KDM6B: variants seen among roughly 807,000 people sequenced by gnomAD.
The protein encoded by KDM6B is lysine-specific demethylase 6B.
In KDM6B, 22 loss-of-function variants were observed where a neutral mutation model predicts 150.4. The observed-to-expected ratio is 0.15, with a 90% CI of 0.10 to 0.21. The LOEUF (loss-of-function observed/expected upper bound fraction) is 0.21. Among genes scored for constraint, KDM6B ranks in the 10% least tolerant of loss-of-function variants. The pLI, the probability that KDM6B is intolerant of heterozygous loss-of-function variation, is 1.00. For synonymous variants in KDM6B, 1,148 were observed against 921.1 expected, an observed-to-expected ratio of 1.25 and a Z score of -4.46; for missense variants, 1,984 against 2,234.3, an observed-to-expected ratio of 0.89 and a Z score of 2.26.
At chr17:7,838,900 A>C (rs1033579645) in intron 1 of KDM6B, among the ~76,000 whole-genome samples, 1 of 151,264 alleles carries the variant, frequency 6.6e-6, no homozygotes, top group Non-Finnish European at 1.5e-5. Context: ...CACAAATAGC[A>C]CCTCCCTGGG....
intron 2 of KDM6B, chr17:7,840,317 G>A (rs2078395265): frequency 6.6e-6 from 1 of 152,202 alleles, no homozygotes; most frequent in Non-Finnish European, 1.5e-5. Context: ...AAATGAAGAG[G>A]GAGTTTGCAA....
In KDM6B at chr17:7,851,125, A is replaced by G; in HGVS notation, c.3778A>G (p.Thr1260Ala). 1 of 1,613,804 alleles carries G rather than the reference A, an allele frequency of 6.2e-7. No homozygotes were observed. Among genetic ancestry groups the G allele is most frequent in the South Asian group, 1.1e-5 (1 of 91,084 alleles). The change falls in exon 15 of 24, where the codon ACA becomes GCA. Residue 1260 changes from threonine (T) to alanine (A), a missense_variant. Coordinates refer to ENST00000448097, the MANE Select transcript of KDM6B (RefSeq NM_001348716.2). ...GCCCTCAGATGAGAACTGGGATCTG[A>G]CAGGCACTCGGCAGATCTGGCCTTG... ...QQPSDENWDLTGTRQIWPCES... is the reference protein window; with the variant it reads ...QQPSDENWDLAGTRQIWPCES...
In KDM6B at chr17:7,854,138, C is replaced by G. The variant is rs578214690; in HGVS notation, c.*617C>G. 1.3e-5 allele frequency: 2 copies of G among 152,618 alleles called. No individual in the cohort carries two copies. Among genetic ancestry groups the G allele is most frequent in the South Asian group, 4.1e-4 (2 of 4,934 alleles). The allele number at this position is 152,618 out of a possible 1,614,324, so 9.5% of individuals were successfully genotyped here. A position where few individuals can be genotyped will look rare whatever the true frequency, so the allele number is the denominator to read the frequency against. On this transcript the variant is annotated 3_prime_UTR_variant, in exon 24 of 24. Coordinates refer to ENST00000448097, the MANE Select transcript of KDM6B (RefSeq NM_001348716.2). ...TTTTGGGAAAACCCGACCTCCCACA[C>G]CCCCAAGCCATCCTGCCCGCCCCTC...
chr17:7,847,196 C>CCCCAGG lies in KDM6B; in HGVS notation c.1011_1016dup (p.Gly338_Pro339dup), dbSNP rs1408517933. The CCCCAGG allele has an allele frequency of 3.1e-6, 5 of 1,601,602 alleles. No homozygotes were observed. The highest frequency in any genetic ancestry group is 4.2e-6 in the Non-Finnish European group (5 of 1,177,704). On this transcript the variant is annotated inframe_insertion, in exon 11 of 24. Coordinates refer to ENST00000448097, the MANE Select transcript of KDM6B (RefSeq NM_001348716.2). ...GGCCACCGGCTGGTCCCGGCTGCTCCCCCAGGCCCAGGCCCCCGCCCCCCA... is the reference window on the plus strand; with the variant it reads ...GGCCACCGGCTGGTCCCGGCTGCTCCCCCAGGCCCAGGCCCAGGCCCCCGCCCCCCA...
In KDM6B at chr17:7,853,580, T is replaced by TG. The variant is rs1337361103; in HGVS notation, c.*60dup. The stretch of plus-strand genomic sequence containing the variant: ...AAGGCGCCGCGGGGCCACCAGCACA[T>TG]GCCTGGGCTGGACCTAGGTCCCGCC... On this transcript the variant is annotated 3_prime_UTR_variant, in exon 24 of 24. Coordinates refer to ENST00000448097, the MANE Select transcript of KDM6B (RefSeq NM_001348716.2). 1 of 1,287,986 alleles carries TG rather than the reference T, an allele frequency of 7.8e-7. No homozygotes were observed. 79.8% of individuals were successfully genotyped at this position (1,287,986 alleles called of 1,614,324 possible). A position where few individuals can be genotyped will look rare whatever the true frequency, so the allele number is the denominator to read the frequency against.
chr17:7,851,611 G>T lies in KDM6B; in HGVS notation c.4017-37G>T, dbSNP rs766418773. The T allele has an allele frequency of 3.1e-6, 5 of 1,604,622 alleles. No individual in the cohort carries two copies. The East Asian group carries it at 8.9e-5, about 29-fold the overall frequency. Reference sequence around the variant, plus strand: ...GTGCTGCTAGGACCTCGTGGCGGGGGCGGGGTGTAGCCTCTCGTCGCACTT... The same window carrying T: ...GTGCTGCTAGGACCTCGTGGCGGGGTCGGGGTGTAGCCTCTCGTCGCACTT... On this transcript the variant is annotated intron_variant, in intron 17 of 23. Coordinates refer to ENST00000448097, the MANE Select transcript of KDM6B (RefSeq NM_001348716.2).
Position 7,849,622 on chromosome 17 carries a change from A to G in KDM6B, c.3334A>G (p.Ser1112Gly). The G allele has an allele frequency of 1.9e-6, 3 of 1,611,806 alleles. No individual in the cohort carries two copies. Among genetic ancestry groups the G allele is most frequent in the South Asian group, 1.1e-5 (1 of 91,084 alleles). The change falls in exon 12 of 24, where the codon AGT becomes GGT. Residue 1112 changes from serine (S) to glycine (G), a missense_variant. Ser to Gly is a moderately conservative substitution (Grantham distance 56). This residue lies in a region of KDM6B where 1,379 missense variants were observed against 1,275.6 expected (regional missense o/e 1.08). Coordinates refer to ENST00000448097, the MANE Select transcript of KDM6B (RefSeq NM_001348716.2). The stretch of plus-strand genomic sequence containing the variant: ...GAAGATCCGGCTCATCAAGGTAGAG[A>G]GTGGTGACAAGGAGACCTTTATCGC... Reference protein sequence around the residue: ...ELKIRLIKVESGDKETFIASE... With the variant: ...ELKIRLIKVEGGDKETFIASE...
chr17:7,847,865 T>C lies in KDM6B; in HGVS notation c.1577T>C (p.Leu526Ser). The change falls in exon 12 of 24, where the codon TTG becomes TCG. Residue 526 changes from leucine (L) to serine (S), a missense_variant. Coordinates refer to ENST00000448097, the MANE Select transcript of KDM6B (RefSeq NM_001348716.2). The part of the protein sequence containing the change: ...PPPLPHREGF[L>S]GPPASRFSVG... ...CCCCTCCCCCATCGCGAGGGCTTCT[T>C]GGGGCCTCCGGCCTCCCGCTTTTCT... 6.9e-7 allele frequency: 1 copy of C among 1,449,374 alleles called. No individual in the cohort carries two copies. The highest frequency in any genetic ancestry group is 9.3e-7 in the Non-Finnish European group (1 of 1,077,884). 89.8% of individuals were successfully genotyped at this position (1,449,374 alleles called of 1,614,324 possible).
intron 1 of KDM6B, among the ~76,000 whole-genome samples, chr17:7,837,019 C>A (rs567090331): frequency 6.6e-6 from 1 of 152,268 alleles, no homozygotes; most frequent in African/African-American, 2.4e-5. Context: ...AGGTGGGAAA[C>A]CCCGGCCTGG....
intron 1 of KDM6B, among the ~76,000 whole-genome samples, chr17:7,838,502 C>T (rs991898499): frequency 2.3e-5 from 2 of 87,586 alleles, no homozygotes; most frequent in Admixed American, 1.2e-4. Flanking sequence ...TTACAGCCTC[C>T]GGCTTGGGGC....
intron 20 of KDM6B, 35 bp downstream of exon 20, chr17:7,852,371 C>T (rs1394527808): frequency 1.9e-6 from 3 of 1,597,664 alleles, no homozygotes; most frequent in African/African-American, 2.7e-5. Context: ...CGTGGTGTGG[C>T]GCCTCAGCGG....
At chr17:7,839,436 C>A (rs2078382390) in intron 1 of KDM6B, among the ~76,000 whole-genome samples, 1 of 152,036 alleles carries the variant, frequency 6.6e-6, no homozygotes, top group Non-Finnish European at 1.5e-5. Flanking sequence ...CCAAGACCTG[C>A]CTGCACCCGC....
chr17:7,849,586 C>G lies in KDM6B; in HGVS notation c.3298C>G (p.Pro1100Ala), dbSNP rs1272900350. The change falls in exon 12 of 24, where the codon CCC becomes GCC. Residue 1100 changes from proline to alanine, a missense_variant. Pro to Ala is a conservative substitution (Grantham distance 27, BLOSUM62 -1). Transcript: ENST00000448097. Reference sequence around the variant, plus strand: ...GCTGCGCTCACTTAGTGAGGGGCCCCCCAAGGAGCTGAAGATCCGGCTCAT... The same window carrying G: ...GCTGCGCTCACTTAGTGAGGGGCCCGCCAAGGAGCTGAAGATCCGGCTCAT... ...LKLRSLSEGPPKELKIRLIKV... is the reference protein window; with the variant it reads ...LKLRSLSEGPAKELKIRLIKV... 8 of 1,612,548 alleles carry G rather than the reference C, an allele frequency of 5.0e-6. No homozygotes were observed. Among genetic ancestry groups the G allele is most frequent in the Non-Finnish European group, 6.8e-6 (8 of 1,180,016 alleles).
In KDM6B at chr17:7,852,441, C is replaced by CTAGG; in HGVS notation, c.4469-52_4469-49dup. The CTAGG allele has an allele frequency of 3.9e-6, 5 of 1,290,146 alleles. No individual in the cohort carries two copies. In the African/African-American group the frequency reaches 4.2e-5, roughly 11 times the overall value. The allele number at this position is 1,290,146 out of a possible 1,614,324, so 79.9% of individuals were successfully genotyped here. On this transcript the variant is annotated intron_variant, in intron 20 of 23. Coordinates refer to ENST00000448097, the MANE Select transcript of KDM6B (RefSeq NM_001348716.2). ...CAGCAGTGAGGGAAGGGGCTTGGGC[C>CTAGG]TAGGTGTCTGGGGGCTGTTTGAGAG... is the stretch of plus-strand genomic sequence containing the variant.
intron 2 of KDM6B, 41 bp downstream of exon 2, chr17:7,840,065 ACT>A (rs1814327549): frequency 6.6e-6 from 1 of 152,410 alleles, no homozygotes; most frequent in Non-Finnish European, 1.5e-5. Flanking sequence ...CAGCAGTCTA[ACT>A]CTGCACCACA....
chr17:7,851,575 T>C (rs1314643096), intron 17 of KDM6B, 26 bp downstream of exon 17: 5 of 1,612,950 alleles, frequency 3.1e-6, no homozygotes, highest in Non-Finnish European at 4.2e-6. Flanking sequence ...GCCAGGGAAG[T>C]TGGGGCAGGA....
chr17:7,847,313 G>C lies in KDM6B; in HGVS notation c.1118G>C (p.Ser373Thr). The C allele has an allele frequency of 2.5e-6, 4 of 1,607,662 alleles. No individual in the cohort carries two copies. Among genetic ancestry groups the C allele is most frequent in the Non-Finnish European group, 3.4e-6 (4 of 1,179,838 alleles). ...GTTCAGAGGTCGCGGATGGACTCCA[G>C]CGTTTCACCAGCAGCAACCACCGCC... ...SRVQRSRMDSSVSPAATTACV... is the reference protein window; with the variant it reads ...SRVQRSRMDSTVSPAATTACV... The change falls in exon 11 of 24, where the codon AGC becomes ACC. Residue 373 changes from serine to threonine, a missense_variant. By Grantham distance (58) the Ser-to-Thr change is moderately conservative. Around this residue, in one of 13 missense-constraint regions of KDM6B, gnomAD observed 1,379 missense variants for 1,275.6 expected, o/e 1.08. Transcript: ENST00000448097.
chr17:7,852,990 T>C lies in KDM6B; in HGVS notation c.4611-10T>C, dbSNP rs375267505. 8.1e-6 allele frequency: 13 copies of C among 1,613,506 alleles called. No homozygotes were observed. The African/African-American group carries it at 1.7e-4, about 22-fold the overall frequency. On this transcript the variant is annotated splice_polypyrimidine_tract_variant and intron_variant, in intron 21 of 23. Transcript: ENST00000448097. ...GCCGGTGGTCTCAACACAACCCCACTGCTCCCCAGGTTCTGCCTGCTGCAG... is the reference window on the plus strand; with the variant it reads ...GCCGGTGGTCTCAACACAACCCCACCGCTCCCCAGGTTCTGCCTGCTGCAG...
In KDM6B at chr17:7,851,231, G is replaced by A. The variant is rs201270740; in HGVS notation, c.3879+5G>A. ...TCCTTCCAGGAGTCTCTGCAGGTGAGATGAGAACGTGGCCAGAGGCAGGTC... is the reference window on the plus strand; with the variant it reads ...TCCTTCCAGGAGTCTCTGCAGGTGAAATGAGAACGTGGCCAGAGGCAGGTC... On this transcript the variant is annotated splice_donor_5th_base_variant and intron_variant, in intron 15 of 23. Coordinates refer to ENST00000448097, the MANE Select transcript of KDM6B (RefSeq NM_001348716.2). 5.0e-6 allele frequency: 8 copies of A among 1,614,056 alleles called. No individual in the cohort carries two copies. In the East Asian group the frequency reaches 1.8e-4, roughly 36 times the overall value.
Sources: gnomAD v4.1 joint callset for allele counts (sites outside exome capture counted in the v4.1 genomes callset) on GRCh38, gnomAD v4.1.1 for gene constraint, gnomAD v4.1.1 regional missense constraint, MANE v1.5 for transcripts, NCBI Gene and HGNC (gene_info 2026-07-23, HGNC 2026-07-21) for gene names.